The following ZGRF1 variants were observed in gnomAD, a reference collection of about 807,000 sequenced individuals.
The protein encoded by ZGRF1 is 5'-3' DNA helicase ZGRF1.
Under a neutral mutation model 203.5 loss-of-function variants are expected in ZGRF1, and 196 were observed. The ratio of observed to expected loss-of-function variants is 0.96; its 90% CI spans 0.86 to 1.08. The LOEUF (loss-of-function observed/expected upper bound fraction) is 1.08. Among genes scored for constraint, ZGRF1 ranks in the 50% least tolerant of loss-of-function variants. The pLI is 0.00. For missense variants in ZGRF1, 2,326 were observed against 2,416.3 expected (o/e 0.96, Z 0.78); for synonymous variants, 809 against 841.3 (o/e 0.96, Z 0.66).
chr4:112,603,733 C>T (rs775875731), intron 9 of ZGRF1, 36 bp from the exon 10 acceptor site: 2 of 1,516,474 alleles, frequency 1.3e-6, no homozygotes, highest in Non-Finnish European at 1.8e-6. Context: ...AACTGCATAA[C>T]TATATGTTGA....
chr4:112,634,160 A>G (rs377152153), intron 1 of ZGRF1, among the ~76,000 whole-genome samples: 3 of 152,380 alleles, frequency 2.0e-5, no homozygotes, highest in East Asian at 3.9e-4. Flanking sequence ...ATATTATGCT[A>G]AAGTATTTAA....
In ZGRF1 at chr4:112,560,966, CTT is replaced by C. The variant is rs759086669; in HGVS notation, c.4725_4726del (p.Arg1576SerfsTer3). On this transcript the variant is annotated frameshift_variant, in exon 19 of 28. Transcript: ENST00000505019. LOFTEE classifies it high-confidence loss of function. ...TGGGATAAATTTTCTCTTACTGACTCTTTTGTTACTAACTATAGTTGGCGAAG... is the reference window on the plus strand; with the variant it reads ...TGGGATAAATTTTCTCTTACTGACTCTTGTTACTAACTATAGTTGGCGAAG... 6.2e-7 allele frequency: 1 copy of C among 1,610,432 alleles called. No individual in the cohort carries two copies. Among genetic ancestry groups the C allele is most frequent in the East Asian group, 2.2e-5 (1 of 44,808 alleles).
At chr4:112,580,028 C>A (rs1745933686) in intron 16 of ZGRF1, among the ~76,000 whole-genome samples, 1 of 122,914 alleles carries the variant, frequency 8.1e-6, no homozygotes, top group Admixed American at 9.3e-5. Context: ...AACTATACTA[C>A]AAACTATACT....
intron 3 of ZGRF1, 75 bp downstream of exon 3, chr4:112,631,855 T>G: frequency 1.5e-6 from 1 of 656,256 alleles, no homozygotes; most frequent in Non-Finnish European, 2.5e-6. Flanking sequence ...TTTTATCATG[T>G]ACAGTTTTTT....
intron 20 of ZGRF1, among the ~76,000 whole-genome samples, chr4:112,555,647 TC>T (rs1740794835): frequency 6.6e-6 from 1 of 152,202 alleles, no homozygotes; most frequent in African/African-American, 2.4e-5. Flanking sequence ...GGACGCAGTC[TC>T]CTCAAAGTAC....
chr4:112,549,113 C>CAAAAAAAAAAAAAAAAAAAAAA (rs771730607), intron 22 of ZGRF1, among the ~76,000 whole-genome samples: 1 of 16,822 alleles, frequency 5.9e-5, no homozygotes, highest in Non-Finnish European at 1.1e-4. Context: ...GACTCCGTCT[C>CAAAAAAAAAAAAAAAAAAAAAA]AAAAAAAAAA....
rs1470884353 is a variant in ZGRF1 at position 112,548,844 on chromosome 4, G to A, written c.5347-464C>T. ...AAAAATGTAAAGATGGCCGGGCGCGGTGGCTCACGCCTGTAATCCCAGCAC... is the reference window on the plus strand; with the variant it reads ...AAAAATGTAAAGATGGCCGGGCGCGATGGCTCACGCCTGTAATCCCAGCAC... On this transcript the variant is annotated intron_variant, in intron 22 of 27. Coordinates refer to ENST00000505019, the MANE Select transcript of ZGRF1 (RefSeq NM_018392.5). 8.0e-5 allele frequency among the ~76,000 whole-genome samples: 2 copies of A among 25,136 alleles called. 1 individual carries two copies. Among genetic ancestry groups the A allele is most frequent in the Non-Finnish European group, 1.5e-4 (2 of 13,142 alleles). The allele number at this position is 25,136 out of a possible 152,430, so 16.5% of individuals were successfully genotyped here.
chr4:112,621,505 TA>T, intron 4 of ZGRF1, among the ~76,000 whole-genome samples: 1 of 151,052 alleles, frequency 6.6e-6, no homozygotes, highest in Non-Finnish European at 1.5e-5. Context: ...CAAAACAAAT[TA>T]GCCGGGTGTG....
chr4:112,562,215 CTCTTTT>C (rs1367574811), intron 18 of ZGRF1, 150 bp downstream of exon 18: 8 of 547,510 alleles, frequency 1.5e-5, no homozygotes, highest in African/African-American at 1.3e-4. Context: ...AGCCCCTTTT[CTCTTTT>C]TAACCACTGA....
rs1013570734 is a variant in ZGRF1 at position 112,540,072 on chromosome 4, A to T, written c.5963T>A (p.Val1988Glu). The change falls in exon 27 of 28, where the codon GTG (valine) becomes GAG (glutamate). Residue 1988 changes from valine to glutamate, a missense_variant. Coordinates refer to ENST00000505019, the MANE Select transcript of ZGRF1 (RefSeq NM_018392.5). ...VDFHHPDIKT[V>E]QVSTVDAFQG... Reference sequence around the variant, plus strand: ...AAAAGCATCTACTGTGGACACCTGCACAGTTTTAATATCAGGATGGTGAAA... The same window carrying T: ...AAAAGCATCTACTGTGGACACCTGCTCAGTTTTAATATCAGGATGGTGAAA... 4 of 1,601,490 alleles carry T rather than the reference A, an allele frequency of 2.5e-6. No homozygotes were observed. Among genetic ancestry groups the T allele is most frequent in the Non-Finnish European group, 3.4e-6 (4 of 1,172,954 alleles).
intron 3 of ZGRF1, among the ~76,000 whole-genome samples, chr4:112,626,863 T>C (rs1368811589): frequency 1.3e-5 from 2 of 152,172 alleles, no homozygotes; most frequent in Non-Finnish European, 2.9e-5. Flanking sequence ...TACAGTGCAG[T>C]GGCATGATCT....
intron 16 of ZGRF1, among the ~76,000 whole-genome samples, chr4:112,568,897 C>T (rs1053606337): frequency 6.6e-6 from 1 of 151,600 alleles, no homozygotes; most frequent in Non-Finnish European, 1.5e-5. Context: ...GCCTGTAGTC[C>T]CAGCTAATCA....
At chr4:112,621,594 G>A (rs867758056) in intron 4 of ZGRF1, among the ~76,000 whole-genome samples, 6 of 150,672 alleles carry the variant, frequency 4.0e-5, no homozygotes, top group Middle Eastern at 3.4e-3. Context: ...CAGAGGTTGC[G>A]GTGAGGTGAG....
Position 112,603,844 on chromosome 4 carries a change from A to G in ZGRF1, c.2803-147T>C, listed in dbSNP as rs754211920. 108 of 549,336 alleles carry G rather than the reference A, an allele frequency of 2.0e-4. 1 individual carries two copies. Among genetic ancestry groups the G allele is most frequent in the Middle Eastern group, 4.7e-4 (1 of 2,134 alleles). 34.0% of individuals were successfully genotyped at this position (549,336 alleles called of 1,614,324 possible). On this transcript the variant is annotated intron_variant, in intron 9 of 27. Transcript: ENST00000505019. ...CCAGGAACTAATGCTGAAAACCGGG[A>G]AATTCTCCTATTATCCTAAAACATA...
rs970600197 is a variant in ZGRF1, at chr4:112,554,754, T to A, written c.5149A>T (p.Ile1717Phe). The A allele has an allele frequency of 6.5e-7, 1 of 1,543,236 alleles. No individual in the cohort carries two copies. The highest frequency in any genetic ancestry group is 1.2e-5 in the South Asian group (1 of 83,696). ...ATCTTCCTAACACTCCCAACTCTGA[T>A]AAAGTTTTCAAATCCAAGACTGAGA... ...GLLSLGFENF[I>F]RVGSVRKIAK... is the part of the protein sequence containing the mutation. The change falls in exon 21 of 28, where the codon ATC (isoleucine) becomes TTC (phenylalanine). Residue 1717 changes from isoleucine to phenylalanine, a missense_variant. Physicochemically the swap from Ile to Phe is conservative, Grantham distance 21. Coordinates refer to ENST00000505019, the MANE Select transcript of ZGRF1 (RefSeq NM_018392.5).
At chr4:112,549,688 A>C (rs915532371) in intron 22 of ZGRF1, among the ~76,000 whole-genome samples, 1 of 152,210 alleles carries the variant, frequency 6.6e-6, no homozygotes, top group Non-Finnish European at 1.5e-5. Flanking sequence ...CGTACAGTTC[A>C]TAATACTTGA....
At position 112,609,359 on chromosome 4, in the gene ZGRF1, T is replaced by G; in HGVS notation, c.2718+20A>C. ...TGAGCCACCATGCCCAGGGGCTAAT[T>G]TATATTTTAAATAACTTACCTGCAC... On this transcript the variant is annotated intron_variant, in intron 8 of 27. Transcript: ENST00000505019. 4 of 1,483,740 alleles carry G rather than the reference T, an allele frequency of 2.7e-6. No individual in the cohort carries two copies. The highest frequency in any genetic ancestry group is 3.6e-6 in the Non-Finnish European group (4 of 1,096,964). The allele number at this position is 1,483,740 out of a possible 1,614,324, so 91.9% of individuals were successfully genotyped here. A position where few individuals can be genotyped will look rare whatever the true frequency, so the allele number is the denominator to read the frequency against.
At chr4:112,565,777 C>T (rs994350920) in intron 16 of ZGRF1, among the ~76,000 whole-genome samples, 1 of 152,134 alleles carries the variant, frequency 6.6e-6, no homozygotes, top group African/African-American at 2.4e-5. Flanking sequence ...CAGAGAAATG[C>T]AAATCAAAAC....
At chr4:112,609,680 C>A (rs1292109097) in intron 7 of ZGRF1, among the ~76,000 whole-genome samples, 1 of 151,730 alleles carries the variant, frequency 6.6e-6, no homozygotes, top group Non-Finnish European at 1.5e-5. Context: ...GGTGGCACAC[C>A]CCAGCTACTC....
Sources: gnomAD v4.1 joint callset for allele counts (sites outside exome capture counted in the v4.1 genomes callset) on GRCh38, gnomAD v4.1.1 for gene constraint, MANE v1.5 for transcripts, NCBI Gene and HGNC (gene_info 2026-07-23, HGNC 2026-07-21) for gene names.